Variants in RIMS2 observed in about 807,000 individuals in gnomAD.
RIMS2 encodes the protein regulating synaptic membrane exocytosis 2.
Under a neutral mutation model 174.4 loss-of-function variants are expected in RIMS2, and 59 were observed. That is an observed-to-expected ratio of 0.34 (90% confidence interval 0.27 to 0.42). RIMS2 has a LOEUF of 0.42. RIMS2 is among the 10% of genes least tolerant of loss of function. The pLI, the probability that RIMS2 is intolerant of heterozygous loss-of-function variation, is 1.00. For synonymous variants in RIMS2, 606 were observed against 572.5 expected (o/e 1.06, Z -0.84); for missense variants, 1,620 against 1,666.3 (o/e 0.97, Z 0.48).
At chr8:103,646,709 TC>T (rs1235930713) in intron 1 of RIMS2, among the ~76,000 whole-genome samples, 2 of 152,182 alleles carry the variant, frequency 1.3e-5, no homozygotes, top group Admixed American at 6.5e-5. Context: ...TTTATCCATG[TC>T]CCTGCAAAGG....
chr8:104,142,577 G>A (rs1426202476), intron 19 of RIMS2, among the ~76,000 whole-genome samples: 1 of 152,098 alleles, frequency 6.6e-6, no homozygotes, highest in East Asian at 1.9e-4. Context: ...CTTGGGAAAG[G>A]AATTTTGGAA....
At chr8:103,823,733 A>G (rs1171176127) in intron 3 of RIMS2, among the ~76,000 whole-genome samples, 1 of 151,982 alleles carries the variant, frequency 6.6e-6, no homozygotes, top group Non-Finnish European at 1.5e-5. Context: ...ATGGTACGTT[A>G]ATGACTACTT....
Position 103,575,679 on chromosome 8 carries a change from C to CATATATATATAT in RIMS2, c.176+74618_176+74619insTATATATATATA, listed in dbSNP as rs112166531. Among the ~76,000 whole-genome samples the CATATATATATAT allele has an allele frequency of 3.1e-3, 441 of 141,006 alleles. 3 individuals carry two copies. Among genetic ancestry groups the CATATATATATAT allele is most frequent in the East Asian group, 0.031 (143 of 4,632 alleles). 92.5% of individuals were successfully genotyped at this position (141,006 alleles called of 152,430 possible). Reference sequence around the variant, plus strand: ...ATATATAAACACACACATACACACACACACACATATATATATATATACACA... The same window carrying CATATATATATAT: ...ATATATAAACACACACATACACACACATATATATATATACACACATATATATATATATACACA... On this transcript the variant is annotated intron_variant, in intron 1 of 23. Transcript: ENST00000504942.
intron 19 of RIMS2, among the ~76,000 whole-genome samples, chr8:104,016,924 A>G (rs1198785928): frequency 6.6e-6 from 1 of 151,978 alleles, no homozygotes; most frequent in African/African-American, 2.4e-5. Context: ...AAATTAATTA[A>G]AACCACAGTT....
At chr8:103,772,630 T>C (rs2098266849) in intron 3 of RIMS2, among the ~76,000 whole-genome samples, 1 of 152,096 alleles carries the variant, frequency 6.6e-6, no homozygotes, top group Admixed American at 6.5e-5. Flanking sequence ...AAAATTAAAA[T>C]AGAAATGTTT....
chr8:103,846,722 C>A lies in RIMS2; in HGVS notation c.699-38576C>A, dbSNP rs147639084. On this transcript the variant is annotated intron_variant, in intron 3 of 23. Transcript: ENST00000504942. ...GATAATTAAATTTACTCTATTCAGG[C>A]ACAGGTCCTCCAGGATTCTGTGCTC... 2.7e-3 allele frequency among the ~76,000 whole-genome samples: 412 copies of A among 152,224 alleles called. 3 individuals are homozygous for A. The highest frequency in any genetic ancestry group is 9.5e-3 in the African/African-American group (393 of 41,558).
In RIMS2 at chr8:103,782,563, T is replaced by C. The variant is rs76548156; in HGVS notation, c.698+16026T>C. On this transcript the variant is annotated intron_variant, in intron 3 of 23. Transcript: ENST00000504942. Reference sequence around the variant, plus strand: ...AAGAATGTATGCAGTTTTAAGTTTTTGTAGTCATTGCGATATGACCCACTA... The same window carrying C: ...AAGAATGTATGCAGTTTTAAGTTTTCGTAGTCATTGCGATATGACCCACTA... 6.0e-3 allele frequency among the ~76,000 whole-genome samples: 914 copies of C among 152,258 alleles called. 14 individuals are homozygous for C. Among genetic ancestry groups the C allele is most frequent in the Non-Finnish European group, 7.4e-3 (500 of 68,004 alleles).
intron 3 of RIMS2, among the ~76,000 whole-genome samples, chr8:103,796,423 CA>C (rs1463248850): frequency 6.6e-6 from 1 of 151,884 alleles, no homozygotes; most frequent in Non-Finnish European, 1.5e-5. Flanking sequence ...TTTAACATAC[CA>C]AAATTAGAGG....
In RIMS2 at chr8:103,968,933, A is replaced by G. The variant is rs563081404; in HGVS notation, c.2771-6417A>G. ...AAATCCAAATTTTTGTTTGTCTGTGAAAGTCTTTCTTTCTCCTTCACTTTT... is the reference window on the plus strand; with the variant it reads ...AAATCCAAATTTTTGTTTGTCTGTGGAAGTCTTTCTTTCTCCTTCACTTTT... On this transcript the variant is annotated intron_variant, in intron 15 of 23. Coordinates refer to ENST00000504942, the Ensembl canonical transcript of RIMS2. Among the ~76,000 whole-genome samples, 64 of 152,134 alleles carry G rather than the reference A, an allele frequency of 4.2e-4. 1 individual carries two copies. In the South Asian group the frequency reaches 0.013, roughly 30 times the overall value.
intron 1 of RIMS2, among the ~76,000 whole-genome samples, chr8:103,545,334 AC>A (rs1426768164): frequency 1.3e-5 from 2 of 152,188 alleles, no homozygotes; most frequent in South Asian, 2.1e-4. Flanking sequence ...ACAAAAAAAA[AC>A]AAAACAGAGT....
intron 1 of RIMS2, among the ~76,000 whole-genome samples, chr8:103,530,228 A>T (rs1836351247): frequency 6.6e-6 from 1 of 152,214 alleles, no homozygotes; most frequent in African/African-American, 2.4e-5. Flanking sequence ...GATGCATATT[A>T]TAATTGCTGA....
At chr8:104,088,757 A>G (rs1006661065) in intron 19 of RIMS2, among the ~76,000 whole-genome samples, 1 of 151,980 alleles carries the variant, frequency 6.6e-6, no homozygotes, top group Non-Finnish European at 1.5e-5. Context: ...AAACCTAAGA[A>G]CTTCAAATGA....
chr8:104,086,884 CT>C (rs2097545632), intron 19 of RIMS2, among the ~76,000 whole-genome samples: 1 of 152,092 alleles, frequency 6.6e-6, no homozygotes, highest in African/African-American at 2.4e-5. Context: ...AGTCTTAGCC[CT>C]ATAAACAAAG....
chr8:104,165,240 T>C (rs2098789895), intron 19 of RIMS2, among the ~76,000 whole-genome samples: 1 of 152,220 alleles, frequency 6.6e-6, no homozygotes, highest in South Asian at 2.1e-4. Flanking sequence ...GTGTGCATTA[T>C]TTGTATATTT....
At chr8:104,083,610 G>T (rs1338537528) in intron 19 of RIMS2, among the ~76,000 whole-genome samples, 1 of 152,166 alleles carries the variant, frequency 6.6e-6, no homozygotes, top group Non-Finnish European at 1.5e-5. Context: ...GATCTTATGG[G>T]TTTCTGATCT....
intron 1 of RIMS2, among the ~76,000 whole-genome samples, chr8:103,520,355 G>A (rs1192436549): frequency 6.6e-6 from 1 of 152,136 alleles, no homozygotes; most frequent in African/African-American, 2.4e-5. Flanking sequence ...TAGAAGATGA[G>A]CCTAGAGTGA....
intron 2 of RIMS2, among the ~76,000 whole-genome samples, chr8:103,725,831 A>C (rs553117563): frequency 6.6e-6 from 1 of 152,306 alleles, no homozygotes; most frequent in African/African-American, 2.4e-5. Flanking sequence ...GCCAAATATG[A>C]ACACTCTGGT....
chr8:103,737,162 C>G (rs1047590538), intron 2 of RIMS2, among the ~76,000 whole-genome samples: 1 of 121,682 alleles, frequency 8.2e-6, no homozygotes. Context: ...CTTTTCTTTT[C>G]TTTTTCTTTG....
intron 15 of RIMS2, among the ~76,000 whole-genome samples, chr8:103,967,185 T>C: frequency 7.7e-6 from 1 of 130,230 alleles, no homozygotes; most frequent in Non-Finnish European, 1.6e-5. Flanking sequence ...TTTTTTTTTT[T>C]TTTTTTTTTT....
Sources: allele counts gnomAD v4.1 joint callset (sites outside exome capture counted in the v4.1 genomes callset), GRCh38; gene constraint gnomAD v4.1.1; transcripts MANE v1.5; gene names NCBI Gene and HGNC (gene_info 2026-07-23, HGNC 2026-07-21).